Variants in GLRA3 observed in about 807,000 individuals in gnomAD.
GLRA3 encodes glycine receptor subunit alpha-3.
In GLRA3, 44 loss-of-function variants were observed where a neutral mutation model predicts 60.4. The observed-to-expected ratio is 0.73, with a 90% CI of 0.57 to 0.94. The LOEUF (loss-of-function observed/expected upper bound fraction) is 0.94. Ranked by LOEUF, GLRA3 falls within the 40% of genes least tolerant of loss-of-function variation. The pLI is 0.00. For synonymous variants in GLRA3, 223 were observed against 192.9 expected (o/e 1.16, Z -1.29); for missense variants, 508 against 564.6 (o/e 0.90, Z 1.02).
chr4:174,786,235 C>T (rs1490224472), intron 2 of GLRA3, among the ~76,000 whole-genome samples: 1 of 151,938 alleles, frequency 6.6e-6, no homozygotes, highest in African/African-American at 2.4e-5. Flanking sequence ...AACTAGATTC[C>T]TTCCAAAAAC....
intron 1 of GLRA3, among the ~76,000 whole-genome samples, chr4:174,805,811 G>A (rs1466002854): frequency 6.6e-6 from 1 of 152,110 alleles, no homozygotes; most frequent in Admixed American, 6.6e-5. Context: ...GGATATTATA[G>A]AAGTTGGGTC....
At position 174,644,001 on chromosome 4, in the gene GLRA3, C is replaced by T. The variant is rs1366304508; in HGVS notation, c.1180G>A (p.Ala394Thr). 5 of 1,613,850 alleles carry T rather than the reference C, an allele frequency of 3.1e-6. No individual in the cohort carries two copies. In the East Asian group the frequency reaches 8.9e-5, roughly 29 times the overall value. Residue 394 changes from alanine (A) to threonine (T), a missense_variant, in exon 10 of 10, where the codon GCA becomes ACA. Physicochemically the swap from Ala to Thr is moderately conservative, Grantham distance 58 (BLOSUM62 0). Coordinates refer to ENST00000274093, the MANE Select transcript of GLRA3 (RefSeq NM_006529.4). ...CCCTTTGGAGTCATGCCATCCTTTG[C>T]TTGTAGACATGGTCCCATTCCATAG... ...TAYGMGPCLQ[A>T]KDGMTPKGPN...
intron 3 of GLRA3, among the ~76,000 whole-genome samples, chr4:174,751,498 T>C (rs1301244524): frequency 6.6e-6 from 1 of 152,036 alleles, no homozygotes; most frequent in African/African-American, 2.4e-5. Flanking sequence ...GTTTAAAAAA[T>C]AACATCAAAG....
At chr4:174,722,381 C>G (rs1379090483) in intron 4 of GLRA3, among the ~76,000 whole-genome samples, 1 of 152,114 alleles carries the variant, frequency 6.6e-6, no homozygotes, top group East Asian at 1.9e-4. Flanking sequence ...ATAAATTATA[C>G]TCCTCTTAGA....
intron 7 of GLRA3, among the ~76,000 whole-genome samples, chr4:174,661,282 C>G (rs1334445653): frequency 6.6e-6 from 1 of 152,128 alleles, no homozygotes; most frequent in African/African-American, 2.4e-5. Context: ...ATCTCTATAT[C>G]TAACTCAACA....
chr4:174,688,318 CATATATATATATATATAT>C (rs553159490), intron 5 of GLRA3, among the ~76,000 whole-genome samples: 50 of 34,960 alleles, frequency 1.4e-3, no homozygotes, highest in South Asian at 5.2e-3. Context: ...TACCTGACAT[CATATATATATATATATAT>C]ATATATATAT....
At chr4:174,663,798 G>A (rs925865206) in intron 7 of GLRA3, among the ~76,000 whole-genome samples, 6 of 152,094 alleles carry the variant, frequency 3.9e-5, no homozygotes, top group Non-Finnish European at 8.8e-5. Flanking sequence ...CACTCCCCAT[G>A]GATTCAGAGT....
chr4:174,666,120 C>T (rs932989668), intron 7 of GLRA3, among the ~76,000 whole-genome samples: 1 of 152,112 alleles, frequency 6.6e-6, no homozygotes. Flanking sequence ...AGGCTGCTTC[C>T]ATTTAAGATA....
intron 6 of GLRA3, among the ~76,000 whole-genome samples, chr4:174,680,714 C>T (rs1158605656): frequency 6.6e-6 from 1 of 152,038 alleles, no homozygotes; most frequent in African/African-American, 2.4e-5. Flanking sequence ...GATGCTGTAG[C>T]ACATAACTAA....
intron 4 of GLRA3, among the ~76,000 whole-genome samples, chr4:174,719,291 C>G (rs1030382103): frequency 3.0e-4 from 45 of 152,208 alleles, no homozygotes; most frequent in African/African-American, 1.1e-3. Context: ...AGTATACTGC[C>G]TCTCAAAAGC....
Position 174,659,070 on chromosome 4 carries a change from C to T in GLRA3, c.1055G>A (p.Arg352Gln), listed in dbSNP as rs758671619. Residue 352 changes from arginine (R) to glutamine (Q), a missense_variant, in exon 8 of 10, where the codon CGA becomes CAA. Physicochemically the swap from Arg to Gln is conservative, Grantham distance 43. Around this residue, in one of 3 missense-constraint regions of GLRA3, gnomAD observed 176 missense variants for 197.9 expected, o/e 0.89. Transcript: ENST00000274093. ...ATCACTTACCTTATTCTTTCTCTTT[C>T]GTCGAAATCTCAGAAGTTCTTTGTG... The part of the protein sequence containing the change: ...RQHKELLRFR[R>Q]KRKNKTEAFA... 39 of 1,612,454 alleles carry T rather than the reference C, an allele frequency of 2.4e-5. No individual in the cohort carries two copies. The highest frequency in any genetic ancestry group is 3.3e-4 in the Middle Eastern group (2 of 6,066).
intron 1 of GLRA3, among the ~76,000 whole-genome samples, chr4:174,826,425 T>C (rs930518213): frequency 1.3e-5 from 2 of 152,064 alleles, no homozygotes; most frequent in Non-Finnish European, 2.9e-5. Context: ...TTGGAAAGGA[T>C]TATGGTGGAG....
chr4:174,784,704 C>T (rs934356948), intron 2 of GLRA3, among the ~76,000 whole-genome samples: 1 of 152,052 alleles, frequency 6.6e-6, no homozygotes, highest in African/African-American at 2.4e-5. Flanking sequence ...GCTTTACTTT[C>T]TAATTCTTTT....
At chr4:174,741,103 G>A (rs1737006216) in intron 3 of GLRA3, among the ~76,000 whole-genome samples, 1 of 152,160 alleles carries the variant, frequency 6.6e-6, no homozygotes, top group South Asian at 2.1e-4. Context: ...CTACGAGTGA[G>A]ATTACTGGGT....
intron 3 of GLRA3, among the ~76,000 whole-genome samples, chr4:174,744,861 C>A (rs1737175765): frequency 6.6e-6 from 1 of 152,014 alleles, no homozygotes; most frequent in Non-Finnish European, 1.5e-5. Context: ...ATTAAAAAAG[C>A]TTAGTGAGAT....
intron 2 of GLRA3, among the ~76,000 whole-genome samples, chr4:174,786,653 T>C (rs979506983): frequency 3.4e-4 from 52 of 151,950 alleles, no homozygotes; most frequent in African/African-American, 1.2e-3. Flanking sequence ...AATTAGGGAG[T>C]AGAGTTATAA....
intron 6 of GLRA3, among the ~76,000 whole-genome samples, chr4:174,678,449 AT>A (rs1490425332): frequency 6.6e-6 from 1 of 152,192 alleles, no homozygotes; most frequent in African/African-American, 2.4e-5. Flanking sequence ...TTTAAGTAAC[AT>A]TCTGTTACTT....
At chr4:174,683,786 T>C (rs906965788) in intron 5 of GLRA3, among the ~76,000 whole-genome samples, 1 of 152,224 alleles carries the variant, frequency 6.6e-6, no homozygotes. Flanking sequence ...TAGATAGCAT[T>C]TATTTCTGTG....
At chr4:174,703,913 GA>G (rs34791728) in intron 5 of GLRA3, among the ~76,000 whole-genome samples, 1 of 152,046 alleles carries the variant, frequency 6.6e-6, no homozygotes, top group African/African-American at 2.4e-5. Flanking sequence ...CCAAAGTTTT[GA>G]AAAAGCATTA....
Sources: gnomAD v4.1 joint callset for allele counts (sites outside exome capture counted in the v4.1 genomes callset) on GRCh38, gnomAD v4.1.1 for gene constraint, gnomAD v4.1.1 regional missense constraint, MANE v1.5 for transcripts, NCBI Gene and HGNC (gene_info 2026-07-23, HGNC 2026-07-21) for gene names.